Variants in KIF26B observed in about 807,000 individuals in gnomAD.
The protein encoded by KIF26B is kinesin-like protein KIF26B.
In KIF26B, 63 loss-of-function variants were observed where a neutral mutation model predicts 151.2. The observed-to-expected ratio is 0.42, with a 90% CI of 0.34 to 0.51. The LOEUF (loss-of-function observed/expected upper bound fraction) is 0.51, where lower values mean the gene tolerates loss of function less well. KIF26B is among the 20% of genes least tolerant of loss of function. The pLI is 0.07. For missense variants in KIF26B, 2,813 were observed against 2,913.6 expected (o/e 0.97, Z 0.79); for synonymous variants, 1,357 against 1,262.1 (o/e 1.08, Z -1.59).
chr1:245,590,611 A>C (rs1422722524), intron 5 of KIF26B, among the ~76,000 whole-genome samples: 1 of 152,128 alleles, frequency 6.6e-6, no homozygotes, highest in Non-Finnish European at 1.5e-5. Flanking sequence ...CGCGTCTATA[A>C]AAACTGGGCG....
At chr1:245,502,987 G>A (rs1345837386) in intron 4 of KIF26B, among the ~76,000 whole-genome samples, 1 of 151,630 alleles carries the variant, frequency 6.6e-6, no homozygotes, top group East Asian at 1.9e-4. Context: ...TCAGCCTCCC[G>A]AGTAGCTGGG....
At chr1:245,214,403 A>T (rs939074782) in intron 2 of KIF26B, among the ~76,000 whole-genome samples, 1 of 151,376 alleles carries the variant, frequency 6.6e-6, no homozygotes, top group Admixed American at 6.6e-5. Context: ...ATCATCATAA[A>T]CTCTGTCAGA....
intron 4 of KIF26B, among the ~76,000 whole-genome samples, chr1:245,485,963 G>A (rs1660272384): frequency 6.6e-6 from 1 of 152,196 alleles, no homozygotes; most frequent in Non-Finnish European, 1.5e-5. Context: ...ATTTTTCGTG[G>A]TGGCAACCCC....
At chr1:245,362,394 C>T (rs184346221) in intron 2 of KIF26B, among the ~76,000 whole-genome samples, 2,204 of 149,938 alleles carry the variant, frequency 0.015, 26 homozygotes, top group Non-Finnish European at 0.022. Flanking sequence ...AAAAATTAGC[C>T]GGGTGTGGTT....
At chr1:245,182,342 G>A (rs1668921576) in intron 2 of KIF26B, among the ~76,000 whole-genome samples, 1 of 152,222 alleles carries the variant, frequency 6.6e-6, no homozygotes, top group Non-Finnish European at 1.5e-5. Context: ...GCCTTTTGCA[G>A]ATGGCTTCTT....
chr1:245,628,203 G>A (rs1206047428), intron 9 of KIF26B, among the ~76,000 whole-genome samples: 1 of 152,180 alleles, frequency 6.6e-6, no homozygotes, highest in Non-Finnish European at 1.5e-5. Flanking sequence ...GCCGGGCACG[G>A]TGGCTCACAG....
rs1261383174 is a variant in KIF26B at position 245,408,970 on chromosome 1, G to C, written c.1000-10609G>C. ...TGGTAAGTGCTCAAAAGTGGCAATG[G>C]TGATAATGATGATCTATGAGCCCAC... On this transcript the variant is annotated intron_variant, in intron 3 of 14. Coordinates refer to ENST00000407071, the MANE Select transcript of KIF26B (RefSeq NM_018012.4). 2.6e-5 allele frequency among the ~76,000 whole-genome samples: 4 copies of C among 152,220 alleles called. No homozygotes were observed. The East Asian group carries it at 7.7e-4, about 29-fold the overall frequency.
intron 5 of KIF26B, among the ~76,000 whole-genome samples, chr1:245,589,749 T>A (rs974869139): frequency 6.6e-6 from 1 of 152,172 alleles, no homozygotes; most frequent in African/African-American, 2.4e-5. Flanking sequence ...GACACCAGAC[T>A]GAGTTACTTC....
In KIF26B at chr1:245,318,203, A is replaced by G. The variant is rs1384008480; in HGVS notation, c.466-48631A>G. Reference sequence around the variant, plus strand: ...TTCTGGGTCAAATCAGCAAATGTTTATTAAGTACACACAACAGACAGGGCA... The same window carrying G: ...TTCTGGGTCAAATCAGCAAATGTTTGTTAAGTACACACAACAGACAGGGCA... On this transcript the variant is annotated intron_variant, in intron 2 of 14. Transcript: ENST00000407071. This position sits in a 1 kb window ranked among gnomAD's most constrained non-coding sequence, Gnocchi z 4.0. Among the ~76,000 whole-genome samples the G allele has an allele frequency of 6.6e-6, 1 of 152,218 alleles. No homozygotes were observed. Among genetic ancestry groups the G allele is most frequent in the East Asian group, 1.9e-4 (1 of 5,184 alleles).
chr1:245,234,808 C>T (rs564470521), intron 2 of KIF26B, among the ~76,000 whole-genome samples: 3 of 152,202 alleles, frequency 2.0e-5, no homozygotes, highest in Non-Finnish European at 2.9e-5. Context: ...CTCGCAACAC[C>T]GGCCTGCTAT....
chr1:245,356,539 A>G (rs1672705296), intron 2 of KIF26B, among the ~76,000 whole-genome samples: 1 of 152,122 alleles, frequency 6.6e-6, no homozygotes, highest in Non-Finnish European at 1.5e-5. Flanking sequence ...CCTGGGTGAG[A>G]GAGTGAGACT....
intron 2 of KIF26B, among the ~76,000 whole-genome samples, chr1:245,249,136 G>C (rs556657301): frequency 1.3e-5 from 2 of 152,282 alleles, no homozygotes; most frequent in South Asian, 4.2e-4. Context: ...TTTTGAGATG[G>C]AGTCTTGCTC....
At position 245,222,355 on chromosome 1, in the gene KIF26B, T is replaced by A. The variant is rs10754447; in HGVS notation, c.465+65672T>A. Among the ~76,000 whole-genome samples the A allele has an allele frequency of 9.1e-3, 1,387 of 151,664 alleles. 13 individuals carry two copies. Among genetic ancestry groups the A allele is most frequent in the Non-Finnish European group, 0.013 (865 of 67,860 alleles). Reference sequence around the variant, plus strand: ...GGGAGGCTGAGGCAGGAGAATCGCTTAAACCCGGGAGGCGGAGGTTGCAGT... The same window carrying A: ...GGGAGGCTGAGGCAGGAGAATCGCTAAAACCCGGGAGGCGGAGGTTGCAGT... On this transcript the variant is annotated intron_variant, in intron 2 of 14. Transcript: ENST00000407071.
chr1:245,361,288 A>G (rs1486301054), intron 2 of KIF26B, among the ~76,000 whole-genome samples: 1 of 152,222 alleles, frequency 6.6e-6, no homozygotes, highest in African/African-American at 2.4e-5. Context: ...GCAGTAATCC[A>G]GAGCAGAATC....
At chr1:245,254,939 G>A (rs1450378394) in intron 2 of KIF26B, among the ~76,000 whole-genome samples, 1 of 152,152 alleles carries the variant, frequency 6.6e-6, no homozygotes, top group Non-Finnish European at 1.5e-5. Flanking sequence ...TCCCTCTGCT[G>A]TGGTTTGAAT....
In KIF26B at chr1:245,233,359, C is replaced by G. The variant is rs769167069; in HGVS notation, c.465+76676C>G. On this transcript the variant is annotated intron_variant, in intron 2 of 14. Transcript: ENST00000407071. ...ACCCCAAGTTTTAGGCATGGCAAAACTTTATGCACAATTTCATATGTAAAG... is the reference window on the plus strand; with the variant it reads ...ACCCCAAGTTTTAGGCATGGCAAAAGTTTATGCACAATTTCATATGTAAAG... Among the ~76,000 whole-genome samples, 26 of 152,302 alleles carry G rather than the reference C, an allele frequency of 1.7e-4. No homozygotes were observed. The South Asian group carries it at 2.7e-3, about 16-fold the overall frequency.
intron 10 of KIF26B, among the ~76,000 whole-genome samples, chr1:245,652,141 TGTGTGA>T (rs1205487501): frequency 1.4e-4 from 14 of 98,762 alleles, no homozygotes; most frequent in African/African-American, 4.4e-4. Context: ...TGTGTGTGTG[TGTGTGA>T]GAGAGACATA....
rs1283632662 is a variant in KIF26B, at chr1:245,563,327, T to C, written c.1350+22377T>C. On this transcript the variant is annotated intron_variant, in intron 5 of 14. Coordinates refer to ENST00000407071, the MANE Select transcript of KIF26B (RefSeq NM_018012.4). The surrounding 1 kb of genome is among the most constrained non-coding windows in gnomAD (Gnocchi z 4.6). ...CACCCATTTCTCTTGTTCCTTCTTA[T>C]TGCAGTGGGGGACGTGTCTTTGCCT... is the stretch of plus-strand genomic sequence containing the variant. 6.6e-6 allele frequency among the ~76,000 whole-genome samples: 1 copy of C among 152,228 alleles called. No individual in the cohort carries two copies. Among genetic ancestry groups the C allele is most frequent in the Non-Finnish European group, 1.5e-5 (1 of 68,044 alleles).
At chr1:245,406,850 C>T (rs897620235) in intron 3 of KIF26B, among the ~76,000 whole-genome samples, 7 of 152,004 alleles carry the variant, frequency 4.6e-5, no homozygotes, top group Non-Finnish European at 7.4e-5. Flanking sequence ...TGTAGTGGTG[C>T]GATCTCGGCT....
Sources: allele counts gnomAD v4.1 joint callset (sites outside exome capture counted in the v4.1 genomes callset), GRCh38; gene constraint gnomAD v4.1.1; non-coding constraint Gnocchi (gnomAD v3.1); transcripts MANE v1.5; gene names NCBI Gene and HGNC (gene_info 2026-07-23, HGNC 2026-07-21).